Variants in SUSD6 observed in about 807,000 individuals in gnomAD.
SUSD6 encodes sushi domain containing 6.
In SUSD6, 16 loss-of-function variants were observed where a neutral mutation model predicts 28.4. That is an observed-to-expected ratio of 0.56 (90% CI 0.38 to 0.86). The LOEUF is 0.86. Among genes scored for constraint, SUSD6 ranks in the 40% least tolerant of loss-of-function variants. The pLI is 0.00. For missense variants in SUSD6, 341 were observed against 384.2 expected (o/e 0.89, Z 0.94); for synonymous variants, 147 against 159.6 (o/e 0.92, Z 0.59).
chr14:69,657,616 T>G (rs1885602268), intron 1 of SUSD6, among the ~76,000 whole-genome samples: 1 of 152,158 alleles, frequency 6.6e-6, no homozygotes, highest in Non-Finnish European at 1.5e-5. Flanking sequence ...AGTGTAATAT[T>G]ATATGGAATA....
intron 1 of SUSD6, among the ~76,000 whole-genome samples, chr14:69,656,038 A>G (rs1885577342): frequency 6.6e-6 from 1 of 151,386 alleles, no homozygotes; most frequent in South Asian, 2.1e-4. Flanking sequence ...ATGTGCTCCC[A>G]TAGTACTCTG....
At chr14:69,676,958 A>G (rs1171114693) in intron 2 of SUSD6, among the ~76,000 whole-genome samples, 2 of 152,198 alleles carry the variant, frequency 1.3e-5, no homozygotes, top group Non-Finnish European at 2.9e-5. Context: ...CCAGGCTTTG[A>G]GAAACACCAT....
intron 1 of SUSD6, among the ~76,000 whole-genome samples, chr14:69,631,854 A>T (rs1366860690): frequency 6.6e-6 from 1 of 152,156 alleles, no homozygotes; most frequent in African/African-American, 2.4e-5. Flanking sequence ...ACATCCTTTT[A>T]GTTTTCTGAG....
chr14:69,654,791 G>GGGTGTGTGT (rs1885556452), intron 1 of SUSD6, among the ~76,000 whole-genome samples: 1 of 32,426 alleles, frequency 3.1e-5, no homozygotes, highest in African/African-American at 7.8e-5. Context: ...TTTTTTTTTG[G>GGGTGTGTGT]TGTGTGTGTG....
intron 2 of SUSD6, among the ~76,000 whole-genome samples, chr14:69,700,072 G>A (rs1454275733): frequency 1.3e-5 from 2 of 152,166 alleles, no homozygotes; most frequent in African/African-American, 2.4e-5. Context: ...GGAACATGGA[G>A]CCTCCACTCT....
Position 69,697,913 on chromosome 14 carries a change from T to G in SUSD6, c.122-5482T>G, listed in dbSNP as rs543412667. 3.3e-5 allele frequency among the ~76,000 whole-genome samples: 5 copies of G among 152,354 alleles called. No individual in the cohort carries two copies. The East Asian group carries it at 7.7e-4, about 23-fold the overall frequency. Reference sequence around the variant, plus strand: ...TCTTCTCTAGGTTGTAGGCTTGTAGTGGGGGCATGGTTCTGTTACCGGAAA... The same window carrying G: ...TCTTCTCTAGGTTGTAGGCTTGTAGGGGGGGCATGGTTCTGTTACCGGAAA... On this transcript the variant is annotated intron_variant, in intron 2 of 5. Coordinates refer to ENST00000342745, the MANE Select transcript of SUSD6 (RefSeq NM_014734.4).
intron 2 of SUSD6, among the ~76,000 whole-genome samples, chr14:69,665,490 C>T (rs756171709): frequency 2.0e-5 from 3 of 152,150 alleles, no homozygotes; most frequent in Non-Finnish European, 4.4e-5. Context: ...TGGGCTCAAA[C>T]GATCCACCCG....
At chr14:69,649,619 TG>T (rs1488607875) in intron 1 of SUSD6, among the ~76,000 whole-genome samples, 2 of 152,222 alleles carry the variant, frequency 1.3e-5, no homozygotes, top group East Asian at 3.8e-4. Flanking sequence ...GTTGAGCACT[TG>T]GGGGCAGAGA....
intron 2 of SUSD6, among the ~76,000 whole-genome samples, chr14:69,659,583 TCGTGGCTCAC>T (rs1466852572): frequency 6.6e-6 from 1 of 152,186 alleles, no homozygotes; most frequent in Non-Finnish European, 1.5e-5. Context: ...AGTGGCACGA[TCGTGGCTCAC>T]TGCAACCTCT....
At chr14:69,655,648 A>G (rs538443595) in intron 1 of SUSD6, among the ~76,000 whole-genome samples, 3 of 152,084 alleles carry the variant, frequency 2.0e-5, no homozygotes, top group Admixed American at 1.3e-4. Context: ...AAGAAAAAAA[A>G]AAAAAGTTAG....
chr14:69,619,786 A>G (rs774728896), intron 1 of SUSD6, among the ~76,000 whole-genome samples: 3 of 151,800 alleles, frequency 2.0e-5, no homozygotes, highest in Non-Finnish European at 4.4e-5. Context: ...CAAACAAACA[A>G]AAAAAAACCA....
chr14:69,650,408 T>C, intron 1 of SUSD6, among the ~76,000 whole-genome samples: 1 of 152,180 alleles, frequency 6.6e-6, no homozygotes, highest in South Asian at 2.1e-4. Context: ...CCAATTGCCC[T>C]AGACCACCCA....
At chr14:69,688,543 C>G (rs545890707) in intron 2 of SUSD6, among the ~76,000 whole-genome samples, 15 of 152,300 alleles carry the variant, frequency 9.8e-5, no homozygotes, top group African/African-American at 3.6e-4. Flanking sequence ...GTGAGAGAAC[C>G]CTGGAAAAGA....
At chr14:69,632,648 G>A (rs1885211580) in intron 1 of SUSD6, among the ~76,000 whole-genome samples, 1 of 134,174 alleles carries the variant, frequency 7.5e-6, no homozygotes. Context: ...ATCACAACTA[G>A]CATTAAAAAA....
At chr14:69,701,857 G>C (rs550533956) in intron 2 of SUSD6, among the ~76,000 whole-genome samples, 32 of 152,236 alleles carry the variant, frequency 2.1e-4, no homozygotes, top group African/African-American at 7.5e-4. Context: ...AAAAGAAAAA[G>C]TGCCTTTTCT....
At chr14:69,669,820 A>C (rs1885803276) in intron 2 of SUSD6, among the ~76,000 whole-genome samples, 1 of 152,202 alleles carries the variant, frequency 6.6e-6, no homozygotes, top group Admixed American at 6.5e-5. Flanking sequence ...GTGTTTATTG[A>C]ATGGAATTAA....
chr14:69,697,415 T>A (rs995067913), intron 2 of SUSD6, among the ~76,000 whole-genome samples: 2 of 152,196 alleles, frequency 1.3e-5, no homozygotes, highest in African/African-American at 4.8e-5. Flanking sequence ...CTATTCAAGA[T>A]GGAGTCGCTG....
At chr14:69,655,689 G>T (rs1329606150) in intron 1 of SUSD6, among the ~76,000 whole-genome samples, 1 of 151,814 alleles carries the variant, frequency 6.6e-6, no homozygotes, top group Non-Finnish European at 1.5e-5. Context: ...AGTCCCAGCT[G>T]CTTGGGATGC....
intron 1 of SUSD6, among the ~76,000 whole-genome samples, chr14:69,652,776 T>C (rs1340795761): frequency 7.9e-5 from 12 of 152,262 alleles, no homozygotes; most frequent in African/African-American, 2.6e-4. Context: ...TTTAAACTTA[T>C]TAGCAGGCTC....
Sources: gnomAD v4.1 joint callset for allele counts (sites outside exome capture counted in the v4.1 genomes callset) on GRCh38, gnomAD v4.1.1 for gene constraint, MANE v1.5 for transcripts, NCBI Gene and HGNC (gene_info 2026-07-23, HGNC 2026-07-21) for gene names.